DPYD: variants seen among roughly 807,000 people sequenced by gnomAD.
DPYD encodes the protein dihydropyrimidine dehydrogenase, also known as dihydropyrimidine dehydrogenase [NADP(+)].
In DPYD, 109 loss-of-function variants were observed where a neutral mutation model predicts 116.2. That is an observed-to-expected ratio of 0.94 (90% CI 0.80 to 1.10). The LOEUF is 1.10. DPYD is among the 50% of genes least tolerant of loss of function. The probability of loss-of-function intolerance (pLI) is 0.00; values close to 1 mark genes in which losing one functional copy is unlikely to be tolerated. For missense variants in DPYD, 1,302 were observed against 1,254.5 expected (o/e 1.04, Z -0.57); for synonymous variants, 440 against 432.0 (o/e 1.02, Z -0.23).
At chr1:97,125,445 A>C (rs571477901) in intron 20 of DPYD, among the ~76,000 whole-genome samples, 8 of 152,274 alleles carry the variant, frequency 5.3e-5, no homozygotes, top group African/African-American at 1.9e-4. Flanking sequence ...AAAGGTATAA[A>C]AAAGAAATTC....
intron 14 of DPYD, among the ~76,000 whole-genome samples, chr1:97,427,126 C>T (rs1674915755): frequency 6.6e-6 from 1 of 151,992 alleles, no homozygotes; most frequent in Non-Finnish European, 1.5e-5. Context: ...ACAACTACTA[C>T]CTCGGGATAC....
intron 20 of DPYD, among the ~76,000 whole-genome samples, chr1:97,131,492 T>C (rs1653337248): frequency 7.3e-6 from 1 of 137,362 alleles, no homozygotes; most frequent in Non-Finnish European, 1.6e-5. Context: ...TGCTATGGGA[T>C]GTGCACAAGA....
chr1:97,812,790 T>C (rs988689256), intron 3 of DPYD, among the ~76,000 whole-genome samples: 6 of 152,134 alleles, frequency 3.9e-5, no homozygotes, highest in Admixed American at 2.0e-4. Flanking sequence ...ATATTAATTA[T>C]AGGTTTCAAA....
chr1:97,410,708 T>C (rs539249616), intron 14 of DPYD, among the ~76,000 whole-genome samples: 3 of 152,262 alleles, frequency 2.0e-5, no homozygotes, highest in African/African-American at 7.2e-5. Flanking sequence ...AGTAGAGCTA[T>C]AGAACCAAAG....
intron 5 of DPYD, among the ~76,000 whole-genome samples, chr1:97,709,443 CA>C (rs1662162202): frequency 6.6e-6 from 1 of 151,460 alleles, no homozygotes; most frequent in African/African-American, 2.4e-5. Context: ...ATTGTGGGTA[CA>C]TAGTACATTC....
rs374421601 is a variant in DPYD at position 97,241,930 on chromosome 1, C to G, written c.2300-6936G>C. 3.8e-4 allele frequency among the ~76,000 whole-genome samples: 58 copies of G among 151,106 alleles called. 1 individual carries two copies. The South Asian group carries it at 0.011, about 29-fold the overall frequency. On this transcript the variant is annotated intron_variant, in intron 18 of 22. Coordinates refer to ENST00000370192, the MANE Select transcript of DPYD (RefSeq NM_000110.4). ...GCTATAACACATATAAGGATAAACA[C>G]TTAATTTTTAAGGGTTGTTAATATT...
At chr1:97,408,505 GC>G (rs1331268029) in intron 14 of DPYD, among the ~76,000 whole-genome samples, 24 of 152,090 alleles carry the variant, frequency 1.6e-4, no homozygotes, top group African/African-American at 5.6e-4. Context: ...TTCTGGTTGT[GC>G]AAAGAATAGC....
chr1:97,334,340 G>A (rs1669176899), intron 16 of DPYD, among the ~76,000 whole-genome samples: 1 of 152,138 alleles, frequency 6.6e-6, no homozygotes, highest in Non-Finnish European at 1.5e-5. Flanking sequence ...GACTTAAGAT[G>A]CTAGAGGAAC....
At chr1:97,879,808 A>G (rs140580259) in intron 2 of DPYD, among the ~76,000 whole-genome samples, 89 of 152,000 alleles carry the variant, frequency 5.9e-4, no homozygotes, top group Non-Finnish European at 1.1e-3. Context: ...TAGACTACTT[A>G]TTTTGCTAGA....
At chr1:97,847,082 A>ATGAATTTAGAACTGGACTATG (rs921250543) in intron 2 of DPYD, among the ~76,000 whole-genome samples, 4 of 152,196 alleles carry the variant, frequency 2.6e-5, no homozygotes, top group South Asian at 2.1e-4. Context: ...ACGGATTGCC[A>ATGAATTTAGAACTGGACTATG]TGAATTTAGA....
chr1:97,287,317 G>A (rs1441401303), intron 18 of DPYD, among the ~76,000 whole-genome samples: 1 of 152,164 alleles, frequency 6.6e-6, no homozygotes, highest in Non-Finnish European at 1.5e-5. Context: ...CCGGCTGTGT[G>A]AGCAGTCAGT....
At chr1:97,080,169 G>A (rs1350498215) in intron 22 of DPYD, among the ~76,000 whole-genome samples, 1 of 151,994 alleles carries the variant, frequency 6.6e-6, no homozygotes, top group Non-Finnish European at 1.5e-5. Context: ...AAAAATACAA[G>A]AGTTTTACTC....
At chr1:97,810,249 T>C (rs1668284569) in intron 3 of DPYD, among the ~76,000 whole-genome samples, 1 of 127,954 alleles carries the variant, frequency 7.8e-6, no homozygotes, top group Non-Finnish European at 1.5e-5. Flanking sequence ...ATCATGCCAC[T>C]GCACTCCAGC....
At position 97,078,874 on chromosome 1, in the gene DPYD, T is replaced by G. The variant is rs1401580006; in HGVS notation, c.*102A>C. On this transcript the variant is annotated 3_prime_UTR_variant, in exon 23 of 23. Transcript: ENST00000370192. ...CATATTTTTATTTAGAAAATGTATA[T>G]TTGTTTTAATTTGGAAAGAGCTGAA... The G allele has an allele frequency of 3.0e-6, 4 of 1,339,954 alleles. No homozygotes were observed. The highest frequency in any genetic ancestry group is 4.3e-6 in the Non-Finnish European group (4 of 936,044). The allele number at this position is 1,339,954 out of a possible 1,614,324, so 83.0% of individuals were successfully genotyped here. A position where few individuals can be genotyped will look rare whatever the true frequency, so the allele number is the denominator to read the frequency against.
chr1:97,476,604 AG>A, intron 13 of DPYD, among the ~76,000 whole-genome samples: 1 of 152,338 alleles, frequency 6.6e-6, no homozygotes, highest in South Asian at 2.1e-4. Flanking sequence ...ATTAGGCAAT[AG>A]GAAGTACCAC....
At chr1:97,570,528 C>T (rs1652821333) in intron 11 of DPYD, among the ~76,000 whole-genome samples, 1 of 151,836 alleles carries the variant, frequency 6.6e-6, no homozygotes, top group Non-Finnish European at 1.5e-5. Flanking sequence ...CTGATGTTCT[C>T]AAGTGTTGAG....
chr1:97,105,139 T>C (rs941107617), intron 20 of DPYD, among the ~76,000 whole-genome samples: 1 of 152,158 alleles, frequency 6.6e-6, no homozygotes, highest in African/African-American at 2.4e-5. Context: ...TTAAAGTAAG[T>C]ATTTTTGAAG....
chr1:97,609,404 C>T (rs573957729), intron 8 of DPYD, among the ~76,000 whole-genome samples: 1 of 152,114 alleles, frequency 6.6e-6, no homozygotes, highest in South Asian at 2.1e-4. Flanking sequence ...TTCAGAAGGT[C>T]TTTCACCACT....
chr1:97,115,964 A>C (rs1651934938), intron 20 of DPYD, among the ~76,000 whole-genome samples: 1 of 152,036 alleles, frequency 6.6e-6, no homozygotes, highest in Non-Finnish European at 1.5e-5. Context: ...AGAATATGAA[A>C]CTCCTACATT....
Sources: gnomAD v4.1 joint callset for allele counts (sites outside exome capture counted in the v4.1 genomes callset) on GRCh38, gnomAD v4.1.1 for gene constraint, MANE v1.5 for transcripts, NCBI Gene and HGNC (gene_info 2026-07-23, HGNC 2026-07-21) for gene names.